The following RNFT2 variants were observed in gnomAD, a reference collection of about 807,000 sequenced individuals.
RNFT2 encodes the protein E3 ubiquitin-protein ligase RNFT2.
Under a neutral mutation model 53.0 loss-of-function variants are expected in RNFT2, and 36 were observed. That is an observed-to-expected ratio of 0.68 (90% confidence interval 0.52 to 0.90). RNFT2 has a LOEUF of 0.90. Ranked by LOEUF, RNFT2 falls within the 40% of genes least tolerant of loss-of-function variation. RNFT2 has a pLI of 0.00. For missense variants in RNFT2, 514 were observed against 585.6 expected, an observed-to-expected ratio of 0.88 and a Z score of 1.26; for synonymous variants, 260 against 253.2, an observed-to-expected ratio of 1.03 and a Z score of -0.26.
chr12:116,790,078 C>T (rs1874165081), intron 7 of RNFT2, among the ~76,000 whole-genome samples: 1 of 152,140 alleles, frequency 6.6e-6, no homozygotes, highest in Admixed American at 6.5e-5. Context: ...GCTCAAACCT[C>T]TTATATTTGG....
At chr12:116,845,057 A>G (rs1877532564) in intron 10 of RNFT2, among the ~76,000 whole-genome samples, 1 of 151,978 alleles carries the variant, frequency 6.6e-6, no homozygotes, top group Admixed American at 6.6e-5. Context: ...AGCCTGGGCA[A>G]CAAAGTGAGA....
intron 10 of RNFT2, among the ~76,000 whole-genome samples, chr12:116,846,434 C>G (rs1249185925): frequency 4.5e-5 from 1 of 21,984 alleles, no homozygotes; most frequent in Non-Finnish European, 1.1e-4. Context: ...CCATGCCCAG[C>G]TAATTTTTTT....
At chr12:116,816,848 G>A (rs185317584) in intron 7 of RNFT2, among the ~76,000 whole-genome samples, 23 of 152,172 alleles carry the variant, frequency 1.5e-4, no homozygotes, top group African/African-American at 2.6e-4. Context: ...ACAAATACTC[G>A]TGTACCCAGC....
intron 10 of RNFT2, among the ~76,000 whole-genome samples, chr12:116,844,622 G>C (rs1292935709): frequency 6.6e-6 from 1 of 152,168 alleles, no homozygotes; most frequent in African/African-American, 2.4e-5. Flanking sequence ...AAACCACATA[G>C]ACAAAAGCTC....
intron 7 of RNFT2, among the ~76,000 whole-genome samples, chr12:116,819,031 G>A (rs1385585150): frequency 6.6e-6 from 1 of 152,192 alleles, no homozygotes; most frequent in Non-Finnish European, 1.5e-5. Flanking sequence ...TGGGTAATCT[G>A]GGGCAGATTC....
At chr12:116,812,305 G>A (rs1875417928) in intron 7 of RNFT2, among the ~76,000 whole-genome samples, 1 of 152,102 alleles carries the variant, frequency 6.6e-6, no homozygotes, top group African/African-American at 2.4e-5. Context: ...GACCATAGCA[G>A]CCCGACATAA....
At chr12:116,747,340 G>A (rs546184644) in intron 3 of RNFT2, among the ~76,000 whole-genome samples, 2 of 152,302 alleles carry the variant, frequency 1.3e-5, no homozygotes, top group East Asian at 3.9e-4. Flanking sequence ...ATAGGCGTGA[G>A]CCACCATGGC....
At chr12:116,846,509 C>G (rs980429206) in intron 10 of RNFT2, among the ~76,000 whole-genome samples, 1 of 149,736 alleles carries the variant, frequency 6.7e-6, no homozygotes, top group African/African-American at 2.5e-5. Context: ...AGGCTGGTCT[C>G]AAACTCCTGG....
At chr12:116,746,020 T>C (rs1871877824) in intron 3 of RNFT2, among the ~76,000 whole-genome samples, 1 of 152,136 alleles carries the variant, frequency 6.6e-6, no homozygotes, top group Admixed American at 6.5e-5. Context: ...GTGGATCACT[T>C]GAGCTCCGGA....
chr12:116,766,936 C>G (rs983729426), intron 6 of RNFT2, 22 bp downstream of exon 6: 5 of 1,540,754 alleles, frequency 3.2e-6, no homozygotes, highest in Non-Finnish European at 4.4e-6. Flanking sequence ...AATCCAACCC[C>G]CACGGTGGGA....
chr12:116,841,903 A>C (rs1481413278), intron 10 of RNFT2, among the ~76,000 whole-genome samples: 2 of 40,230 alleles, frequency 5.0e-5, no homozygotes, highest in Non-Finnish European at 7.3e-5. Context: ...AAATATATAT[A>C]TATAAATATA....
chr12:116,848,090 T>C lies in RNFT2; in HGVS notation c.1201-1224T>C, dbSNP rs139050345. ...CAGCTCTGATTTATGAGTGAGAACA[T>C]GTGGTGTTTGGTTTTCTGTTCCTGT... On this transcript the variant is annotated intron_variant, in intron 10 of 10. Coordinates refer to ENST00000257575, the MANE Select transcript of RNFT2 (RefSeq NM_001382266.1). 1.2e-4 allele frequency among the ~76,000 whole-genome samples: 19 copies of C among 152,140 alleles called. 1 individual carries two copies. The East Asian group carries it at 3.7e-3, about 30-fold the overall frequency.
At chr12:116,792,025 G>A (rs577399866) in intron 7 of RNFT2, among the ~76,000 whole-genome samples, 11 of 152,194 alleles carry the variant, frequency 7.2e-5, no homozygotes, top group South Asian at 6.2e-4. Context: ...GGTCCTTCCC[G>A]TGTATGTTCC....
intron 10 of RNFT2, among the ~76,000 whole-genome samples, chr12:116,843,715 CTGG>C: frequency 6.6e-6 from 1 of 151,810 alleles, no homozygotes; most frequent in East Asian, 1.9e-4. Flanking sequence ...TGGGGTAAAC[CTGG>C]TTTTTTGAAC....
intron 6 of RNFT2, among the ~76,000 whole-genome samples, chr12:116,769,830 G>A (rs1873096121): frequency 6.6e-6 from 1 of 152,040 alleles, no homozygotes; most frequent in Non-Finnish European, 1.5e-5. Context: ...TCAGGAGTTT[G>A]AGACCAGCCT....
chr12:116,819,210 A>G (rs1268485123), intron 7 of RNFT2, among the ~76,000 whole-genome samples: 1 of 152,198 alleles, frequency 6.6e-6, no homozygotes, highest in Middle Eastern at 3.2e-3. Flanking sequence ...TCGGGGTGAA[A>G]TGTCCAAATA....
At position 116,822,226 on chromosome 12, in the gene RNFT2, C is replaced by G. The variant is rs1304675037; in HGVS notation, c.883-11566C>G. Among the ~76,000 whole-genome samples the G allele has an allele frequency of 3.3e-5, 5 of 152,078 alleles. No individual in the cohort carries two copies. The East Asian group carries it at 9.6e-4, about 29-fold the overall frequency. On this transcript the variant is annotated intron_variant, in intron 7 of 10. Coordinates refer to ENST00000257575, the MANE Select transcript of RNFT2 (RefSeq NM_001382266.1). ...ACAGTGCTGCCCCCATGGTTGTGACCAGGACTGACCAATCATAGAACCCCA... is the reference window on the plus strand; with the variant it reads ...ACAGTGCTGCCCCCATGGTTGTGACGAGGACTGACCAATCATAGAACCCCA...
intron 5 of RNFT2, among the ~76,000 whole-genome samples, chr12:116,765,865 GA>G (rs1872891255): frequency 6.6e-6 from 1 of 152,180 alleles, no homozygotes; most frequent in South Asian, 2.1e-4. Flanking sequence ...GTCTTCCCTA[GA>G]AAAAGTGAAA....
intron 3 of RNFT2, among the ~76,000 whole-genome samples, chr12:116,742,430 CGG>C (rs1871657851): frequency 6.6e-6 from 1 of 151,802 alleles, no homozygotes; most frequent in Admixed American, 6.6e-5. Context: ...CCACCATGCC[CGG>C]CTAATTTTTG....
Sources: gnomAD v4.1 joint callset for allele counts (sites outside exome capture counted in the v4.1 genomes callset) on GRCh38, gnomAD v4.1.1 for gene constraint, MANE v1.5 for transcripts, NCBI Gene and HGNC (gene_info 2026-07-23, HGNC 2026-07-21) for gene names.